The following CDCA3 variants were observed in gnomAD, a reference collection of about 807,000 sequenced individuals.
CDCA3 encodes the protein cell division cycle-associated protein 3.
A neutral mutation model predicts 29.1 loss-of-function variants in CDCA3; 16 were observed. The observed-to-expected ratio is 0.55, with a 90% CI of 0.37 to 0.83. The LOEUF is 0.83. Ranked by LOEUF, CDCA3 falls within the 40% of genes least tolerant of loss-of-function variation. The pLI, the probability that CDCA3 is intolerant of heterozygous loss-of-function variation, is 0.00. For missense variants in CDCA3, 291 were observed against 327.2 expected (o/e 0.89, Z 0.85); for synonymous variants, 88 against 124.5 (o/e 0.71, Z 1.95).
At position 6,850,153 on chromosome 12, in the gene CDCA3, C is replaced by G. The variant is rs1555125993; in HGVS notation, c.251-295G>C. 9.9e-6 allele frequency: 5 copies of G among 503,128 alleles called. No homozygotes were observed. Among genetic ancestry groups the G allele is most frequent in the Non-Finnish European group, 1.8e-5 (5 of 284,770 alleles). The allele number at this position is 503,128 out of a possible 1,614,324, so 31.2% of individuals were successfully genotyped here. On this transcript the variant is annotated intron_variant, in intron 3 of 5. Transcript: ENST00000538862. The surrounding 1 kb of genome is among the most constrained non-coding windows in gnomAD (Gnocchi z 4.7). ...TAGCTGGGATCACAGGCCCATGCCA[C>G]CGTGCTTTTGTGTGTGTGTGTGTGT... is the stretch of plus-strand genomic sequence containing the variant.
chr12:6,846,426 GC>G (rs781809193), downstream of CDCA3: 5 of 191,008 alleles, frequency 2.6e-5, no homozygotes, highest in Non-Finnish European at 5.4e-5. Context: ...CTGTCAAGGT[GC>G]CCTCGGGTTT....
At chr12:6,847,263 T>C, downstream of CDCA3, 1 of 267,408 alleles carries the variant, frequency 3.7e-6, no homozygotes, top group South Asian at 8.6e-5. Flanking sequence ...CTGGGTGGTA[T>C]AGGGCGTTTG....
Position 6,850,208 on chromosome 12 carries a change from G to C in CDCA3, c.250+259C>G. On this transcript the variant is annotated intron_variant, in intron 3 of 5. Transcript: ENST00000538862. This position sits in a 1 kb window ranked among gnomAD's most constrained non-coding sequence, Gnocchi z 4.7. ...TGTGTGTGTATTTTTTCTAGAGATG[G>C]GGTTTTGCCATGTTGCCTAGGCTGG... 1.9e-6 allele frequency: 1 copy of C among 521,466 alleles called. No homozygotes were observed. Among genetic ancestry groups the C allele is most frequent in the Non-Finnish European group, 3.4e-6 (1 of 290,442 alleles). The allele number at this position is 521,466 out of a possible 1,614,324, so 32.3% of individuals were successfully genotyped here.
chr12:6,846,700 CCCA>C (rs1943711268), downstream of CDCA3: 7 of 675,056 alleles, frequency 1.0e-5, no homozygotes, highest in Admixed American at 1.5e-4. Flanking sequence ...CACACACACA[CCCA>C]CACACCCACA....
Position 6,849,590 on chromosome 12 carries a change from C to A in CDCA3, c.519G>T (p.Arg173Ser). Reference sequence around the variant, plus strand: ...CTGAAGATCTGGGAGTCTCAGGGTCCCTTGAGGGCTTGTCGGAGCTCTGGC... The same window carrying A: ...CTGAAGATCTGGGAGTCTCAGGGTCACTTGAGGGCTTGTCGGAGCTCTGGC... ...VASQSSDKPSRDPETPRSSGS... is the reference protein window; with the variant it reads ...VASQSSDKPSSDPETPRSSGS... Residue 173 changes from arginine (R) to serine (S), a missense_variant, in exon 4 of 6, where the codon AGG becomes AGT. Arg to Ser is a moderately radical substitution (Grantham distance 110). Transcript: ENST00000538862. The surrounding 1 kb of genome is among the most constrained non-coding windows in gnomAD (Gnocchi z 5.2). 6.2e-7 allele frequency: 1 copy of A among 1,611,590 alleles called. No homozygotes were observed. Among genetic ancestry groups the A allele is most frequent in the South Asian group, 1.1e-5 (1 of 90,788 alleles).
In CDCA3 at chr12:6,851,004, G is replaced by C. The variant is rs1225647838; in HGVS notation, c.-52C>G. 2 of 1,573,502 alleles carry C rather than the reference G, an allele frequency of 1.3e-6. No individual in the cohort carries two copies. Among genetic ancestry groups the C allele is most frequent in the South Asian group, 1.2e-5 (1 of 86,632 alleles). On this transcript the variant is annotated 5_prime_UTR_variant, in exon 2 of 6. Transcript: ENST00000538862. ...CAAGGGCCAGCCCGGGACGAGGAGGGAATGCCTGTGAGAAGTGACTCAGGT... is the reference window on the plus strand; with the variant it reads ...CAAGGGCCAGCCCGGGACGAGGAGGCAATGCCTGTGAGAAGTGACTCAGGT...
At chr12:6,846,428 C>T (rs1261975107), downstream of CDCA3, 2 of 191,754 alleles carry the variant, frequency 1.0e-5, no homozygotes, top group Non-Finnish European at 2.1e-5. Flanking sequence ...GTCAAGGTGC[C>T]CTCGGGTTTT....
downstream of CDCA3, chr12:6,847,196 A>G (rs1216310763): frequency 5.3e-6 from 2 of 375,098 alleles, no homozygotes; most frequent in African/African-American, 4.0e-5. Context: ...AGCAGACTTG[A>G]GTCTGAGGCC....
downstream of CDCA3, chr12:6,845,403 G>A: frequency 1.7e-6 from 1 of 602,620 alleles, no homozygotes; most frequent in Non-Finnish European, 3.0e-6. Flanking sequence ...AGGGGCATAG[G>A]GAAGTCACTG....
downstream of CDCA3, chr12:6,846,515 C>T: frequency 3.0e-6 from 1 of 330,782 alleles, no homozygotes; most frequent in Non-Finnish European, 5.6e-6. Context: ...TGACAGAGAA[C>T]CCCCTGCCCT....
chr12:6,848,052 A>T (rs1360753996), downstream of CDCA3: 1 of 152,214 alleles, frequency 6.6e-6, no homozygotes, highest in Non-Finnish European at 1.5e-5. Context: ...AAAAAAAATT[A>T]AAAATTACCT....
At position 6,849,872 on chromosome 12, in the gene CDCA3, G is replaced by A; in HGVS notation, c.251-14C>T. 6.6e-7 allele frequency: 1 copy of A among 1,513,994 alleles called. No individual in the cohort carries two copies. The highest frequency in any genetic ancestry group is 8.8e-7 in the Non-Finnish European group (1 of 1,130,630). The allele number at this position is 1,513,994 out of a possible 1,614,324, so 93.8% of individuals were successfully genotyped here. ...GGCTTGGGGGGTCTAGAGGAAGAAA[G>A]TGAAGTGAACAGTGACCTTCTGATA... is the stretch of plus-strand genomic sequence containing the variant. On this transcript the variant is annotated splice_polypyrimidine_tract_variant and intron_variant, in intron 3 of 5. Coordinates refer to ENST00000538862, the MANE Select transcript of CDCA3 (RefSeq NM_031299.7). This position sits in a 1 kb window ranked among gnomAD's most constrained non-coding sequence, Gnocchi z 5.2.
chr12:6,849,938 A>T lies in CDCA3; in HGVS notation c.251-80T>A. ...GGAGCAAAACATACAGAAACCCAGG[A>T]CTCATGCCCAGGAGGGTGAGCAAGT... On this transcript the variant is annotated intron_variant, in intron 3 of 5. Coordinates refer to ENST00000538862, the MANE Select transcript of CDCA3 (RefSeq NM_031299.7). This position sits in a 1 kb window ranked among gnomAD's most constrained non-coding sequence, Gnocchi z 5.2. 2.4e-6 allele frequency: 3 copies of T among 1,270,946 alleles called. No individual in the cohort carries two copies. The highest frequency in any genetic ancestry group is 3.2e-6 in the Non-Finnish European group (3 of 939,362). The allele number at this position is 1,270,946 out of a possible 1,614,324, so 78.7% of individuals were successfully genotyped here. A position where few individuals can be genotyped will look rare whatever the true frequency, so the allele number is the denominator to read the frequency against.
downstream of CDCA3, chr12:6,846,937 C>T (rs539025632): frequency 1.0e-4 from 118 of 1,153,952 alleles, no homozygotes; most frequent in Non-Finnish European, 1.4e-4. Context: ...AGTGAACACA[C>T]TCAGCAGCCC....
Position 6,851,262 on chromosome 12 carries a change from C to T in CDCA3, c.-98G>A. 8.7e-7 allele frequency: 1 copy of T among 1,145,916 alleles called. No homozygotes were observed. Among genetic ancestry groups the T allele is most frequent in the South Asian group, 2.6e-5 (1 of 38,350 alleles). The allele number at this position is 1,145,916 out of a possible 1,614,324, so 71.0% of individuals were successfully genotyped here. Reference sequence around the variant, plus strand: ...CCTCTGGATGCACAACAGCTCGTGGCTCAACTCCCGAAGTTACCAGTTTCA... The same window carrying T: ...CCTCTGGATGCACAACAGCTCGTGGTTCAACTCCCGAAGTTACCAGTTTCA... On this transcript the variant is annotated 5_prime_UTR_variant, in exon 1 of 6. Transcript: ENST00000538862.
Position 6,850,161 on chromosome 12 carries a change from TTG to T in CDCA3, c.250+304_251-304del, listed in dbSNP as rs3032790. The T allele has an allele frequency of 0.019, 8,107 of 416,750 alleles. No homozygotes were observed. Among genetic ancestry groups the T allele is most frequent in the East Asian group, 0.029 (708 of 24,462 alleles). The allele number at this position is 416,750 out of a possible 1,614,324, so 25.8% of individuals were successfully genotyped here. A position where few individuals can be genotyped will look rare whatever the true frequency, so the allele number is the denominator to read the frequency against. ...ATCACAGGCCCATGCCACCGTGCTTTTGTGTGTGTGTGTGTGTGTTATGTGTG... is the reference window on the plus strand; with the variant it reads ...ATCACAGGCCCATGCCACCGTGCTTTTGTGTGTGTGTGTGTGTTATGTGTG... On this transcript the variant is annotated intron_variant, in intron 3 of 5. Transcript: ENST00000538862. The surrounding 1 kb of genome is among the most constrained non-coding windows in gnomAD (Gnocchi z 4.7).
chr12:6,847,257 G>A (rs1943725247), downstream of CDCA3: 1 of 288,894 alleles, frequency 3.5e-6, no homozygotes, highest in Non-Finnish European at 6.6e-6. Flanking sequence ...CCAGGCCTGG[G>A]TGGTATAGGG....
rs1555125868 is a variant in CDCA3 at position 6,849,799 on chromosome 12, A to T, written c.310T>A (p.Ser104Thr). The change falls in exon 4 of 6, where the codon TCA becomes ACA. Residue 104 changes from serine to threonine, a missense_variant. Coordinates refer to ENST00000538862, the MANE Select transcript of CDCA3 (RefSeq NM_031299.7). The surrounding 1 kb of genome is among the most constrained non-coding windows in gnomAD (Gnocchi z 5.2). The stretch of plus-strand genomic sequence containing the variant: ...AGAACAGGCTCTGGGGGAAGATTTG[A>T]TTTAGAGTCTTCAGTTTCAAATACT... ...SEVFETEDSKSNLPPEPVLPP... is the reference protein window; with the variant it reads ...SEVFETEDSKTNLPPEPVLPP... 1.9e-6 allele frequency: 3 copies of T among 1,588,152 alleles called. No individual in the cohort carries two copies. Among genetic ancestry groups the T allele is most frequent in the East Asian group, 2.2e-5 (1 of 44,486 alleles).
chr12:6,845,734 G>T (rs373892759), downstream of CDCA3: 4 of 1,613,892 alleles, frequency 2.5e-6, no homozygotes, highest in East Asian at 8.9e-5. Context: ...CTCAGTGGCC[G>T]CCTACTATTC....
Sources: allele counts gnomAD v4.1 joint callset, GRCh38; gene constraint gnomAD v4.1.1; non-coding constraint Gnocchi (gnomAD v3.1); transcripts MANE v1.5; gene names NCBI Gene and HGNC (gene_info 2026-07-23, HGNC 2026-07-21).